Variants in DOK5 observed in about 807,000 individuals in gnomAD.
DOK5 encodes docking protein 5, also known as downstream of tyrosine kinase 5.
A neutral mutation model predicts 43.3 loss-of-function variants in DOK5; 27 were observed. That is an observed-to-expected ratio of 0.62 (90% CI 0.46 to 0.86). The LOEUF (loss-of-function observed/expected upper bound fraction) is 0.86, where lower values mean the gene tolerates loss of function less well. Ranked by LOEUF, DOK5 falls within the 40% of genes least tolerant of loss-of-function variation. The probability of loss-of-function intolerance (pLI) is 0.00; values close to 1 mark genes in which losing one functional copy is unlikely to be tolerated. For synonymous variants in DOK5, 146 were observed against 140.1 expected (o/e 1.04, Z -0.30); for missense variants, 373 against 392.9 (o/e 0.95, Z 0.43).
intron 1 of DOK5, among the ~76,000 whole-genome samples, chr20:54,532,052 G>A (rs139922547): frequency 2.0e-5 from 3 of 152,126 alleles, no homozygotes; most frequent in African/African-American, 7.2e-5. Context: ...GCTAGAGCTG[G>A]GGATACAGTA....
intron 6 of DOK5, among the ~76,000 whole-genome samples, chr20:54,625,411 C>G (rs1394505251): frequency 6.6e-6 from 1 of 152,196 alleles, no homozygotes; most frequent in Non-Finnish European, 1.5e-5. Flanking sequence ...GTTGCCATTT[C>G]TTTAAGCTTT....
intron 2 of DOK5, among the ~76,000 whole-genome samples, chr20:54,572,280 C>G (rs960017506): frequency 6.6e-6 from 1 of 152,042 alleles, no homozygotes; most frequent in African/African-American, 2.4e-5. Context: ...CCTGCCTCAG[C>G]CTCCCGTGTA....
chr20:54,543,191 C>T (rs1319359124), intron 1 of DOK5, among the ~76,000 whole-genome samples: 1 of 152,088 alleles, frequency 6.6e-6, no homozygotes, highest in Non-Finnish European at 1.5e-5. Context: ...TTCTACTTAA[C>T]TCATTAATTA....
chr20:54,491,549 C>T (rs1020618335), intron 1 of DOK5, among the ~76,000 whole-genome samples: 36 of 152,188 alleles, frequency 2.4e-4, no homozygotes, highest in African/African-American at 8.7e-4. Context: ...CCCTGTCCTA[C>T]TGCCGGCCAT....
intron 7 of DOK5, 150 bp downstream of exon 7, chr20:54,643,728 A>C (rs1979239625): frequency 9.7e-7 from 1 of 1,027,740 alleles, no homozygotes; most frequent in Non-Finnish European, 1.4e-6. Context: ...CACACGAGGC[A>C]CTTAATCTTT....
At chr20:54,494,820 C>G (rs1388172465) in intron 1 of DOK5, 1 of 151,984 alleles carries the variant, frequency 6.6e-6, no homozygotes, top group Non-Finnish European at 1.5e-5. Flanking sequence ...TGAGAGCCCT[C>G]CGCAGTGAAC....
chr20:54,598,497 G>A (rs1986210595), intron 5 of DOK5, among the ~76,000 whole-genome samples: 1 of 151,460 alleles, frequency 6.6e-6, no homozygotes, highest in Non-Finnish European at 1.5e-5. Flanking sequence ...AGGGTGGCAG[G>A]TGTCCAGTCC....
intron 5 of DOK5, among the ~76,000 whole-genome samples, chr20:54,608,691 G>A (rs1188954438): frequency 6.7e-6 from 1 of 148,200 alleles, no homozygotes; most frequent in African/African-American, 2.5e-5. Context: ...TTGGTGGGGG[G>A]ATGGCACCTC....
chr20:54,595,383 G>A (rs1436843861), intron 5 of DOK5, among the ~76,000 whole-genome samples: 2 of 152,106 alleles, frequency 1.3e-5, no homozygotes, highest in African/African-American at 2.4e-5. Flanking sequence ...CATTGTGCAC[G>A]GTAGGATAGA....
chr20:54,622,022 C>T (rs1036702413), intron 6 of DOK5, among the ~76,000 whole-genome samples: 6 of 151,838 alleles, frequency 4.0e-5, no homozygotes, highest in Non-Finnish European at 4.4e-5. Context: ...GCTGAAACCC[C>T]GTCTCTACTA....
intron 1 of DOK5, among the ~76,000 whole-genome samples, chr20:54,544,137 A>AT (rs1369021804): frequency 6.6e-6 from 1 of 152,048 alleles, no homozygotes; most frequent in East Asian, 1.9e-4. Context: ...TAACTAACCC[A>AT]TTTTTGCTGG....
At position 54,566,016 on chromosome 20, in the gene DOK5, C is replaced by CAAAAA. The variant is rs11450454; in HGVS notation, c.174+10988_174+10992dup. On this transcript the variant is annotated intron_variant, in intron 2 of 7. Transcript: ENST00000262593. ...CTGGTGACAGAGCGAGATTCCGTCTCAAAAAAAAAAAAAAAACCCTGAACA... is the reference window on the plus strand; with the variant it reads ...CTGGTGACAGAGCGAGATTCCGTCTCAAAAAAAAAAAAAAAAAAAAACCCTGAACA... Among the ~76,000 whole-genome samples the CAAAAA allele has an allele frequency of 9.1e-4, 91 of 100,484 alleles. 1 individual carries two copies. Among genetic ancestry groups the CAAAAA allele is most frequent in the African/African-American group, 2.9e-3 (88 of 30,582 alleles). 65.9% of individuals were successfully genotyped at this position (100,484 alleles called of 152,430 possible).
chr20:54,510,705 C>CATTG (rs1982984419), intron 1 of DOK5, among the ~76,000 whole-genome samples: 1 of 152,170 alleles, frequency 6.6e-6, no homozygotes, highest in Non-Finnish European at 1.5e-5. Flanking sequence ...AGTTCCCTTA[C>CATTG]ATTGCCCTGG....
chr20:54,586,889 T>G (rs952360775), intron 2 of DOK5, among the ~76,000 whole-genome samples: 4 of 151,352 alleles, frequency 2.6e-5, no homozygotes, highest in Non-Finnish European at 5.9e-5. Flanking sequence ...TGAGATAGCG[T>G]GGGCAAGACC....
At chr20:54,613,179 A>T (rs557919768) in intron 6 of DOK5, among the ~76,000 whole-genome samples, 1 of 147,072 alleles carries the variant, frequency 6.8e-6, no homozygotes, top group Non-Finnish European at 1.5e-5. Flanking sequence ...AAGCCCATTT[A>T]CATCTGCGCC....
intron 1 of DOK5, among the ~76,000 whole-genome samples, chr20:54,521,978 G>A (rs1983414628): frequency 6.6e-6 from 1 of 152,180 alleles, no homozygotes; most frequent in African/African-American, 2.4e-5. Context: ...TATCACACCA[G>A]CCAAACTGCT....
chr20:54,527,684 A>G (rs1265345090), intron 1 of DOK5, among the ~76,000 whole-genome samples: 1 of 152,210 alleles, frequency 6.6e-6, no homozygotes, highest in Non-Finnish European at 1.5e-5. Context: ...CATTTTAAAC[A>G]AGAATTCAAC....
chr20:54,639,824 A>G (rs1293637175), intron 6 of DOK5, among the ~76,000 whole-genome samples: 1 of 152,234 alleles, frequency 6.6e-6, no homozygotes, highest in Non-Finnish European at 1.5e-5. Context: ...TTACAAAAAC[A>G]TTACCAAACT....
intron 1 of DOK5, among the ~76,000 whole-genome samples, chr20:54,530,027 A>G (rs1983715140): frequency 6.6e-6 from 1 of 152,158 alleles, no homozygotes; most frequent in African/African-American, 2.4e-5. Flanking sequence ...CTCTTTTTAT[A>G]TATTTTAAGT....
Sources: allele counts gnomAD v4.1 joint callset (sites outside exome capture counted in the v4.1 genomes callset), GRCh38; gene constraint gnomAD v4.1.1; transcripts MANE v1.5; gene names NCBI Gene and HGNC (gene_info 2026-07-23, HGNC 2026-07-21).